Variants in MYO5A observed in about 807,000 individuals in gnomAD.
MYO5A encodes the protein myosin VA.
In MYO5A, 98 loss-of-function variants were observed where a neutral mutation model predicts 249.7. The observed-to-expected ratio is 0.39, with a 90% CI of 0.33 to 0.46. The LOEUF (loss-of-function observed/expected upper bound fraction) is 0.46. MYO5A is among the 20% of genes least tolerant of loss of function. MYO5A has a pLI of 0.98. For missense variants in MYO5A, 1,696 were observed against 2,308.8 expected (o/e 0.73, Z 5.44); for synonymous variants, 778 against 810.6 (o/e 0.96, Z 0.68).
chr15:52,469,712 G>A (rs2076420612), intron 1 of MYO5A, among the ~76,000 whole-genome samples: 3 of 152,156 alleles, frequency 2.0e-5, no homozygotes, highest in Admixed American at 1.3e-4. Flanking sequence ...AATCATAGGA[G>A]GGTTCATGTA....
intron 1 of MYO5A, 102 bp from the exon 2 acceptor site, chr15:52,433,387 A>G: frequency 1.4e-6 from 1 of 690,470 alleles, no homozygotes; most frequent in Non-Finnish European, 2.5e-6. Context: ...TTATGAAAAA[A>G]GAAATCTTGG....
chr15:52,448,183 C>T (rs1164745569), intron 1 of MYO5A, among the ~76,000 whole-genome samples: 1 of 152,222 alleles, frequency 6.6e-6, no homozygotes, highest in Non-Finnish European at 1.5e-5. Context: ...GTGGAGCTGC[C>T]CAAGGCCTTG....
At chr15:52,378,174 G>A (rs188897977) in intron 18 of MYO5A, among the ~76,000 whole-genome samples, 106 of 150,354 alleles carry the variant, frequency 7.1e-4, no homozygotes, top group Middle Eastern at 3.4e-3. Context: ...AGAGGACCAG[G>A]AATAGGCCTG....
intron 24 of MYO5A, among the ~76,000 whole-genome samples, chr15:52,362,344 G>A (rs1427656221): frequency 6.6e-6 from 1 of 152,178 alleles, no homozygotes; most frequent in South Asian, 2.1e-4. Flanking sequence ...ACAGAACAGC[G>A]TCAGTCTAAT....
intron 16 of MYO5A, among the ~76,000 whole-genome samples, chr15:52,382,297 G>T (rs1383970276): frequency 6.6e-6 from 1 of 152,182 alleles, no homozygotes; most frequent in Non-Finnish European, 1.5e-5. Flanking sequence ...AGAAAAATAG[G>T]CTGGGCATGG....
intron 25 of MYO5A, among the ~76,000 whole-genome samples, chr15:52,358,455 T>C (rs2040357881): frequency 6.6e-6 from 1 of 152,228 alleles, no homozygotes. Context: ...ATGATTCTTC[T>C]CAACATACAA....
chr15:52,523,747 ACAG>A (rs2141668776), intron 1 of MYO5A, among the ~76,000 whole-genome samples: 1 of 152,272 alleles, frequency 6.6e-6, no homozygotes, highest in African/African-American at 2.4e-5. Flanking sequence ...AACTAGGAGA[ACAG>A]CAAGTCGTTA....
chr15:52,464,196 G>A (rs1337648053), intron 1 of MYO5A, among the ~76,000 whole-genome samples: 1 of 152,172 alleles, frequency 6.6e-6, no homozygotes, highest in African/African-American at 2.4e-5. Flanking sequence ...CCCCGATTCA[G>A]GTACCTCATT....
chr15:52,468,623 T>C (rs1339958615), intron 1 of MYO5A, among the ~76,000 whole-genome samples: 1 of 152,202 alleles, frequency 6.6e-6, no homozygotes, highest in African/African-American at 2.4e-5. Flanking sequence ...TGATTTATGA[T>C]CATGCCAGTG....
rs371447426 is a variant in MYO5A, at chr15:52,379,884, C to T, written c.2037G>A (p.Gln679=). The T allele has an allele frequency of 4.3e-6, 7 of 1,614,066 alleles. No homozygotes were observed. The highest frequency in any genetic ancestry group is 5.9e-6 in the Non-Finnish European group (7 of 1,179,944). ...PFTFDEKRAV[Q]QLRACGVLET... is the part of the protein sequence containing the mutation. ...CCAGGACACCACATGCTCTCAGCTG[C>T]TGCACTGCCCTCTTCTCATCAAACC... The change falls in exon 17 of 42, where the codon CAG becomes CAA. Residue 679 remains glutamine, a synonymous_variant. Coordinates refer to ENST00000399233, the MANE Select transcript of MYO5A (RefSeq NM_001382347.1).
At position 52,405,387 on chromosome 15, in the gene MYO5A, C is replaced by A; in HGVS notation, c.953G>T (p.Ser318Ile). 1 of 1,605,030 alleles carries A rather than the reference C, an allele frequency of 6.2e-7. No homozygotes were observed. The highest frequency in any genetic ancestry group is 8.5e-7 in the Non-Finnish European group (1 of 1,171,872). The change falls in exon 9 of 42, where the codon AGT becomes ATT. Residue 318 changes from serine to isoleucine, a missense_variant. Around this residue, in one of 5 missense-constraint regions of MYO5A, gnomAD observed 185 missense variants for 204.8 expected, o/e 0.90. Transcript: ENST00000399233. ...TRQACTLLGISESHQMGIFRI... is the reference protein window; with the variant it reads ...TRQACTLLGIIESHQMGIFRI... ...GAAAATTCCCATTTGATGAGATTCA[C>A]TAATTCCTGAAACAAGAGAGTGAAT... is the stretch of plus-strand genomic sequence containing the variant.
At position 52,396,346 on chromosome 15, in the gene MYO5A, T is replaced by C; in HGVS notation, c.1371A>G (p.Ala457=). The C allele has an allele frequency of 6.4e-7, 1 of 1,564,448 alleles. No homozygotes were observed. The highest frequency in any genetic ancestry group is 1.3e-5 in the African/African-American group (1 of 74,118). The change falls in exon 11 of 42, where the codon GCA becomes GCG. Residue 457 remains alanine (A), a synonymous_variant. Coordinates refer to ENST00000399233, the MANE Select transcript of MYO5A (RefSeq NM_001382347.1). ...TGAATTGTTGCTGTAGTTTTTCATTTGCATAATTTATGCAAAACTGTTCAA... is the reference window on the plus strand; with the variant it reads ...TGAATTGTTGCTGTAGTTTTTCATTCGCATAATTTATGCAAAACTGTTCAA... ...NSFEQFCINY[A]NEKLQQQFNM...
rs1208833861 is a variant in MYO5A at position 52,397,265 on chromosome 15, C to T, written c.1255G>A (p.Val419Ile). Residue 419 changes from valine to isoleucine, a missense_variant, in exon 10 of 42, where the codon GTC (valine) becomes ATC (isoleucine). Coordinates refer to ENST00000399233, the MANE Select transcript of MYO5A (RefSeq NM_001382347.1). The part of the protein sequence containing the change: ...AKLFNWIVDN[V>I]NQALHSAVKQ... ...ACAGCAGAATGGAGAGCCTGATTGA[C>T]ATTATCTACAATCCAGTTAAAGAGC... The T allele has an allele frequency of 1.9e-6, 3 of 1,614,124 alleles. No individual in the cohort carries two copies. The highest frequency in any genetic ancestry group is 2.5e-6 in the Non-Finnish European group (3 of 1,179,992).
rs565328557 is a variant in MYO5A at position 52,370,097 on chromosome 15, A to C, written c.3066+72T>G. The C allele has an allele frequency of 2.3e-5, 37 of 1,591,232 alleles. No homozygotes were observed. In the African/African-American group the frequency reaches 4.7e-4, roughly 20 times the overall value. On this transcript the variant is annotated intron_variant, in intron 22 of 41. Coordinates refer to ENST00000399233, the MANE Select transcript of MYO5A (RefSeq NM_001382347.1). The stretch of plus-strand genomic sequence containing the variant: ...TCTAATAAAACCAACAGTGAGTCAC[A>C]CGGACCAAGTCATGATGACAGCACC...
chr15:52,367,060 C>T lies in MYO5A; in HGVS notation c.3131G>A (p.Arg1044His), dbSNP rs577978373. ...LKQEKEALNH[R>H]IVQQAKEMTE... Reference sequence around the variant, plus strand: ...CATCTCCTTAGCCTGCTGCACGATGCGGTGATTGAGGGCTTCTTTTTCTTG... The same window carrying T: ...CATCTCCTTAGCCTGCTGCACGATGTGGTGATTGAGGGCTTCTTTTTCTTG... The change falls in exon 23 of 42, where the codon CGC becomes CAC. Residue 1044 changes from arginine (R) to histidine (H), a missense_variant. Arg to His is a conservative substitution (Grantham distance 29). This residue lies in a region of MYO5A where 412 missense variants were observed against 453.3 expected (regional missense o/e 0.91). Coordinates refer to ENST00000399233, the MANE Select transcript of MYO5A (RefSeq NM_001382347.1). The T allele has an allele frequency of 4.1e-4, 663 of 1,613,734 alleles. 11 individuals are homozygous for T. The South Asian group carries it at 6.6e-3, about 16-fold the overall frequency.
At chr15:52,331,631 G>C (rs918112420) in intron 34 of MYO5A, 28 of 976,232 alleles carry the variant, frequency 2.9e-5, no homozygotes, top group Non-Finnish European at 3.3e-5. Context: ...GTCACTCTGG[G>C]TAATTTCCTG....
chr15:52,464,460 T>C (rs1350162059), intron 1 of MYO5A, among the ~76,000 whole-genome samples: 1 of 152,216 alleles, frequency 6.6e-6, no homozygotes, highest in Non-Finnish European at 1.5e-5. Context: ...TCTCAGTTTA[T>C]ATATGCGTTT....
rs139509577 is a variant in MYO5A at position 52,323,965 on chromosome 15, C to T, written c.4711-521G>A. Reference sequence around the variant, plus strand: ...ATTGTAGTGAGCCAGGATTGCACCACTGCACTCCAGCCTAGAGACAGAACG... The same window carrying T: ...ATTGTAGTGAGCCAGGATTGCACCATTGCACTCCAGCCTAGAGACAGAACG... On this transcript the variant is annotated intron_variant, in intron 36 of 41. Transcript: ENST00000399233. The T allele has an allele frequency of 3.6e-4, 48 of 134,528 alleles. No homozygotes were observed. In the East Asian group the frequency reaches 0.011, roughly 31 times the overall value. 8.3% of individuals were successfully genotyped at this position (134,528 alleles called of 1,614,324 possible). A position where few individuals can be genotyped will look rare whatever the true frequency, so the allele number is the denominator to read the frequency against.
chr15:52,463,359 G>A (rs989007557), intron 1 of MYO5A, among the ~76,000 whole-genome samples: 6 of 152,092 alleles, frequency 3.9e-5, no homozygotes, highest in Non-Finnish European at 5.9e-5. Flanking sequence ...CCCCTCTATA[G>A]TGGCTTTTCA....
Sources: gnomAD v4.1 joint callset for allele counts (sites outside exome capture counted in the v4.1 genomes callset) on GRCh38, gnomAD v4.1.1 for gene constraint, gnomAD v4.1.1 regional missense constraint, MANE v1.5 for transcripts, NCBI Gene and HGNC (gene_info 2026-07-23, HGNC 2026-07-21) for gene names.